Variants in NECAB1 observed in about 807,000 individuals in gnomAD.
NECAB1 encodes N-terminal EF-hand calcium binding protein 1.
A neutral mutation model predicts 57.5 loss-of-function variants in NECAB1; 29 were observed. That is an observed-to-expected ratio of 0.50 (90% CI 0.38 to 0.69). The LOEUF (loss-of-function observed/expected upper bound fraction) is 0.69, where lower values mean the gene tolerates loss of function less well. Among genes scored for constraint, NECAB1 ranks in the 30% least tolerant of loss-of-function variants. NECAB1 has a pLI of 0.00. For synonymous variants in NECAB1, 142 were observed against 147.7 expected (o/e 0.96, Z 0.28); for missense variants, 372 against 413.8 (o/e 0.90, Z 0.88).
chr8:90,943,204 T>TAAC (rs1424560546), intron 10 of NECAB1, among the ~76,000 whole-genome samples: 26 of 152,136 alleles, frequency 1.7e-4, no homozygotes, highest in Non-Finnish European at 3.1e-4. Flanking sequence ...CAAATTCCAT[T>TAAC]CTCTCAATAA....
chr8:90,951,074 A>AT (rs942727428), intron 11 of NECAB1, 39 bp from the exon 12 acceptor site: 2 of 1,279,384 alleles, frequency 1.6e-6, no homozygotes, highest in African/African-American at 3.1e-5. Context: ...AAGATTGTAA[A>AT]TAAAAATGCA....
chr8:90,934,172 T>C (rs1002902204), intron 8 of NECAB1, 132 bp from the exon 9 acceptor site: 2 of 627,772 alleles, frequency 3.2e-6, no homozygotes, highest in Non-Finnish European at 5.4e-6. Flanking sequence ...AAATCAGTAT[T>C]ATTTCATCTT....
chr8:90,829,115 C>T (rs1015557528), intron 3 of NECAB1, among the ~76,000 whole-genome samples: 1 of 151,990 alleles, frequency 6.6e-6, no homozygotes, highest in African/African-American at 2.4e-5. Context: ...ATGTTTTAAA[C>T]TCACGTTTTT....
At chr8:90,825,601 G>T (rs1187017939) in intron 3 of NECAB1, among the ~76,000 whole-genome samples, 1 of 151,750 alleles carries the variant, frequency 6.6e-6, no homozygotes, top group Admixed American at 6.6e-5. Context: ...TATTTCCTTA[G>T]GCAAAGTGTT....
intron 5 of NECAB1, among the ~76,000 whole-genome samples, chr8:90,891,117 T>C (rs1003538161): frequency 3.9e-5 from 6 of 152,204 alleles, no homozygotes; most frequent in Admixed American, 1.3e-4. Flanking sequence ...AGAAACACAA[T>C]GCATTTTCAT....
chr8:90,934,188 T>A (rs534092747), intron 8 of NECAB1, 116 bp from the exon 9 acceptor site: 11 of 684,890 alleles, frequency 1.6e-5, no homozygotes, highest in Middle Eastern at 3.5e-4. Context: ...ATCTTTAAGA[T>A]AATGAAGTTC....
At chr8:90,861,361 C>G (rs80042187) in intron 3 of NECAB1, among the ~76,000 whole-genome samples, 2,292 of 152,190 alleles carry the variant, frequency 0.015, 44 homozygotes, top group African/African-American at 0.052. Context: ...TTCAAAGAAG[C>G]ATGCATGGAA....
At chr8:90,825,018 A>G (rs887911859) in intron 3 of NECAB1, 193 bp downstream of exon 3, 1 of 351,034 alleles carries the variant, frequency 2.8e-6, no homozygotes, top group African/African-American at 2.1e-5. Context: ...GAAAATAATG[A>G]TCTTTTGTAG....
chr8:90,939,339 C>T (rs967000741), intron 9 of NECAB1, among the ~76,000 whole-genome samples: 11 of 152,144 alleles, frequency 7.2e-5, no homozygotes, highest in African/African-American at 2.7e-4. Flanking sequence ...AGTTCTGCTA[C>T]GTTGATTGGC....
intron 9 of NECAB1, 98 bp from the exon 10 acceptor site, chr8:90,940,688 A>G (rs1271867054): frequency 7.2e-6 from 6 of 831,410 alleles, no homozygotes; most frequent in Non-Finnish European, 9.8e-6. Context: ...GATGACAATC[A>G]TCTGTTTTTG....
rs74633848 is a variant in NECAB1 at position 90,825,036 on chromosome 8, C to A, written c.233+211C>A. ...AATAATGATCTTTTGTAGAAAGCTC[C>A]CCTGAAGTGTTTTTAGATTGTTCCC... On this transcript the variant is annotated intron_variant, in intron 3 of 12. Transcript: ENST00000417640. 2,595 of 324,520 alleles carry A rather than the reference C, an allele frequency of 8.0e-3. 14 individuals carry two copies. Among genetic ancestry groups the A allele is most frequent in the Non-Finnish European group, 0.012 (2,061 of 178,962 alleles). The allele number at this position is 324,520 out of a possible 1,614,324, so 20.1% of individuals were successfully genotyped here.
intron 8 of NECAB1, among the ~76,000 whole-genome samples, 196 bp from the exon 9 acceptor site, chr8:90,934,108 T>G (rs1270717544): frequency 6.6e-6 from 1 of 152,182 alleles, no homozygotes; most frequent in Non-Finnish European, 1.5e-5. Context: ...AACAGCTTCT[T>G]ACAATTGATA....
At chr8:90,807,422 C>A (rs1032802107) in intron 2 of NECAB1, among the ~76,000 whole-genome samples, 2 of 152,144 alleles carry the variant, frequency 1.3e-5, no homozygotes, top group Non-Finnish European at 2.9e-5. Flanking sequence ...AGGTTCGGTA[C>A]GTATGAGTAT....
At chr8:90,823,655 C>T (rs915607811) in intron 2 of NECAB1, among the ~76,000 whole-genome samples, 1 of 151,792 alleles carries the variant, frequency 6.6e-6, no homozygotes, top group Non-Finnish European at 1.5e-5. Context: ...CATTCTTCTA[C>T]TCAAAGACAA....
chr8:90,880,440 A>G (rs1808815582), intron 4 of NECAB1, among the ~76,000 whole-genome samples: 1 of 152,084 alleles, frequency 6.6e-6, no homozygotes, highest in Non-Finnish European at 1.5e-5. Flanking sequence ...CATGTTCCAT[A>G]CTTTTAATTT....
At chr8:90,854,810 C>G (rs1355987044) in intron 3 of NECAB1, among the ~76,000 whole-genome samples, 1 of 152,170 alleles carries the variant, frequency 6.6e-6, no homozygotes, top group Non-Finnish European at 1.5e-5. Flanking sequence ...GCTGCTACTC[C>G]CCACCATGGG....
chr8:90,846,474 T>G (rs1438750390), intron 3 of NECAB1, among the ~76,000 whole-genome samples: 1 of 152,220 alleles, frequency 6.6e-6, no homozygotes, highest in Admixed American at 6.5e-5. Context: ...TAGATAAAAC[T>G]GCAATAGTTG....
At chr8:90,875,397 T>C (rs868381775) in intron 4 of NECAB1, among the ~76,000 whole-genome samples, 10 of 135,900 alleles carry the variant, frequency 7.4e-5, no homozygotes, top group African/African-American at 8.3e-5. Flanking sequence ...AGGAGAATGG[T>C]GTGAACCCGG....
At chr8:90,892,016 T>A (rs1287886835) in intron 5 of NECAB1, among the ~76,000 whole-genome samples, 1 of 152,204 alleles carries the variant, frequency 6.6e-6, no homozygotes, top group Non-Finnish European at 1.5e-5. Flanking sequence ...TTATACTTGA[T>A]AAAGTTTTAT....
Sources: gnomAD v4.1 joint callset for allele counts (sites outside exome capture counted in the v4.1 genomes callset) on GRCh38, gnomAD v4.1.1 for gene constraint, MANE v1.5 for transcripts, NCBI Gene and HGNC (gene_info 2026-07-23, HGNC 2026-07-21) for gene names.